The following SPDYE12 variants were observed in gnomAD, a reference collection of about 807,000 sequenced individuals.
SPDYE12 encodes speedy/RINGO cell cycle regulator family member E12.
chr7:74,907,429 CTA>C, the SPDYE12 span, among the ~76,000 whole-genome samples: 1 of 151,312 alleles, frequency 6.6e-6, no homozygotes. Context: ...ACCCTCGTCT[CTA>C]TTAAAAATAT....
At chr7:74,906,295 T>C in the SPDYE12 span, among the ~76,000 whole-genome samples, 7 of 140,516 alleles carry the variant, frequency 5.0e-5, no homozygotes, top group Admixed American at 4.9e-4. Context: ...GTAACTCAAG[T>C]GCATCAATCA....
chr7:74,910,798 G>A, the SPDYE12 span: 27 of 1,264,498 alleles, frequency 2.1e-5, no homozygotes, highest in African/African-American at 4.4e-5. Context: ...CTGGCCGTGC[G>A]TTAGAACAGG....
chr7:74,915,004 A>G, the SPDYE12 span, among the ~76,000 whole-genome samples: 6 of 151,564 alleles, frequency 4.0e-5, no homozygotes, highest in Non-Finnish European at 7.4e-5. Context: ...CGGCTCTCCT[A>G]GGAGTCTCTC....
At chr7:74,909,585 G>A in the SPDYE12 span, 336 of 1,539,506 alleles carry the variant, frequency 2.2e-4, 5 homozygotes, top group Middle Eastern at 1.4e-3. Context: ...GCTGAAATAC[G>A]CTATGACCAT....
chr7:74,908,577 T>C, the SPDYE12 span, among the ~76,000 whole-genome samples: 221 of 141,520 alleles, frequency 1.6e-3, 2 homozygotes, highest in African/African-American at 5.5e-3. Context: ...AAACGTCTGC[T>C]TGCTGGGGGA....
At chr7:74,904,343 A>G in the SPDYE12 span, among the ~76,000 whole-genome samples, 1 of 150,368 alleles carries the variant, frequency 6.7e-6, no homozygotes, top group Non-Finnish European at 1.5e-5. Flanking sequence ...TCCCCAAGAG[A>G]TGCACTGCAC....
the SPDYE12 span, among the ~76,000 whole-genome samples, chr7:74,908,743 G>C: frequency 1.7e-5 from 2 of 117,780 alleles, no homozygotes; most frequent in South Asian, 2.9e-4. Flanking sequence ...GTGCGATCTC[G>C]GCTCACTGCA....
At chr7:74,910,657 T>C in the SPDYE12 span, among the ~76,000 whole-genome samples, 8 of 150,988 alleles carry the variant, frequency 5.3e-5, no homozygotes, top group African/African-American at 7.3e-5. Context: ...ACACTGCCCT[T>C]CAGCCTGGGC....
chr7:74,908,445 G>A, the SPDYE12 span, among the ~76,000 whole-genome samples: 1 of 65,400 alleles, frequency 1.5e-5, no homozygotes, highest in African/African-American at 6.5e-5. Context: ...CCAGCAGGGA[G>A]CATTTGACAG....
chr7:74,909,500 T>C, the SPDYE12 span: 1 of 1,483,874 alleles, frequency 6.7e-7, no homozygotes, highest in Non-Finnish European at 9.4e-7. Flanking sequence ...TATTGATGGA[T>C]AGGAGGCAGC....
At chr7:74,909,614 G>A in the SPDYE12 span, 2 of 1,449,394 alleles carry the variant, frequency 1.4e-6, no homozygotes, top group South Asian at 2.3e-5. Flanking sequence ...GATACTGATG[G>A]AGAGAAAGGA....
the SPDYE12 span, among the ~76,000 whole-genome samples, chr7:74,905,076 A>AT: frequency 1.9e-4 from 25 of 130,436 alleles, no homozygotes; most frequent in East Asian, 3.6e-3. Flanking sequence ...AGTATCATAG[A>AT]TAAAAAGAGT....
the SPDYE12 span, among the ~76,000 whole-genome samples, chr7:74,907,598 G>T: frequency 6.6e-6 from 1 of 150,480 alleles, no homozygotes; most frequent in Admixed American, 6.7e-5. Context: ...CTGGTGCGGT[G>T]GCACACCCAT....
chr7:74,909,999 A>T, the SPDYE12 span, among the ~76,000 whole-genome samples: 1 of 150,756 alleles, frequency 6.6e-6, no homozygotes, highest in Non-Finnish European at 1.5e-5. Flanking sequence ...CAAAGGACTC[A>T]TAGGGGAGGC....
chr7:74,910,784 C>A, the SPDYE12 span: 1 of 1,330,984 alleles, frequency 7.5e-7, no homozygotes. Context: ...GCTGCGCCCT[C>A]CCCCTGGCCG....
the SPDYE12 span, among the ~76,000 whole-genome samples, chr7:74,908,735 G>A: frequency 1.8e-5 from 2 of 112,552 alleles, no homozygotes; most frequent in African/African-American, 6.9e-5. Context: ...GTGCAGTGGT[G>A]CGATCTCGGC....
chr7:74,910,741 G>A, the SPDYE12 span: 1 of 1,436,282 alleles, frequency 7.0e-7, no homozygotes, highest in Non-Finnish European at 9.7e-7. Context: ...GCATCTGGTG[G>A]GAGGTGGTGG....
the SPDYE12 span, chr7:74,910,872 G>A: frequency 4.3e-6 from 6 of 1,411,602 alleles, no homozygotes; most frequent in Middle Eastern, 4.8e-4. Flanking sequence ...TCCCAGGCCA[G>A]GAGTCTTTTA....
At chr7:74,908,852 T>A in the SPDYE12 span, among the ~76,000 whole-genome samples, 89,518 of 145,962 alleles carry the variant, frequency 0.61, 31,415 homozygotes, top group East Asian at 0.94. Context: ...TTTTGTATTT[T>A]TTTTTTTTTA....
Sources: gnomAD v4.1 joint callset for allele counts (sites outside exome capture counted in the v4.1 genomes callset) on GRCh38, gnomAD v4.1.1 for gene constraint, MANE v1.5 for transcripts, NCBI Gene and HGNC (gene_info 2026-07-23, HGNC 2026-07-21) for gene names.